The following EVI5 variants were observed in gnomAD, a reference collection of about 807,000 sequenced individuals.
EVI5 encodes the protein ecotropic viral integration site 5.
In EVI5, 73 loss-of-function variants were observed where a neutral mutation model predicts 112.0. That is an observed-to-expected ratio of 0.65 (90% CI 0.54 to 0.79). EVI5 has a LOEUF of 0.79. EVI5 is among the 30% of genes least tolerant of loss of function. EVI5 has a pLI of 0.00. For missense variants in EVI5, 900 were observed against 968.8 expected, an observed-to-expected ratio of 0.93 and a Z score of 0.94; for synonymous variants, 305 against 319.9, an observed-to-expected ratio of 0.95 and a Z score of 0.50.
chr1:92,673,030 A>G (rs1412597385), intron 10 of EVI5, among the ~76,000 whole-genome samples: 1 of 152,222 alleles, frequency 6.6e-6, no homozygotes, highest in Non-Finnish European at 1.5e-5. Context: ...AGGTAAGGAT[A>G]AGAACCCTTT....
rs534605295 is a variant in EVI5 at position 92,550,562 on chromosome 1, A to G, written c.2166+13080T>C. ...GGAGATCGAGACCATCCTGGCTAACACAGTGAAACCCCGTCTCTACTAAAA... is the reference window on the plus strand; with the variant it reads ...GGAGATCGAGACCATCCTGGCTAACGCAGTGAAACCCCGTCTCTACTAAAA... On this transcript the variant is annotated intron_variant, in intron 19 of 19. Coordinates refer to ENST00000684568, the MANE Select transcript of EVI5 (RefSeq NM_001350197.2). 2.5e-4 allele frequency among the ~76,000 whole-genome samples: 38 copies of G among 149,424 alleles called. No individual in the cohort carries two copies. In the South Asian group the frequency reaches 5.3e-3, roughly 21 times the overall value.
intron 9 of EVI5, among the ~76,000 whole-genome samples, chr1:92,680,046 T>C (rs982461699): frequency 2.6e-5 from 4 of 152,236 alleles, no homozygotes; most frequent in Admixed American, 2.6e-4. Flanking sequence ...TCTAAATTAC[T>C]GGAAAATACT....
chr1:92,598,103 G>A (rs1046930457), intron 18 of EVI5, among the ~76,000 whole-genome samples: 2 of 152,046 alleles, frequency 1.3e-5, no homozygotes, highest in Non-Finnish European at 2.9e-5. Flanking sequence ...GTGTAGTGGC[G>A]TGATCTTGAG....
chr1:92,560,679 G>A (rs1005068671), intron 19 of EVI5, among the ~76,000 whole-genome samples: 3 of 151,714 alleles, frequency 2.0e-5, no homozygotes, highest in Non-Finnish European at 4.4e-5. Context: ...CTCCTGCCTC[G>A]GCCACTGGAG....
rs923566173 is a variant in EVI5 at position 92,742,086 on chromosome 1, T to TA, written c.-81-5460dup. ...GTATGGGTTTAATATCTAGAATATA[T>TA]AAAGAACTCCTACAAATTAATAACA... On this transcript the variant is annotated intron_variant, in intron 1 of 19. Transcript: ENST00000684568. Among the ~76,000 whole-genome samples, 170 of 151,666 alleles carry TA rather than the reference T, an allele frequency of 1.1e-3. 1 individual carries two copies. Among genetic ancestry groups the TA allele is most frequent in the African/African-American group, 4.0e-3 (166 of 41,304 alleles).
intron 9 of EVI5, among the ~76,000 whole-genome samples, chr1:92,684,355 G>C (rs1668136209): frequency 6.6e-6 from 1 of 152,198 alleles, no homozygotes; most frequent in African/African-American, 2.4e-5. Context: ...GAAATGCTGA[G>C]AGATTTTGTC....
At chr1:92,759,907 C>T (rs1295203380) in intron 1 of EVI5, among the ~76,000 whole-genome samples, 2 of 142,462 alleles carry the variant, frequency 1.4e-5, no homozygotes, top group African/African-American at 5.1e-5. Context: ...TGCTGAGGAA[C>T]ATTTGGGTTA....
intron 3 of EVI5, among the ~76,000 whole-genome samples, 191 bp downstream of exon 3, chr1:92,704,364 A>G (rs1671658675): frequency 6.6e-6 from 1 of 152,326 alleles, no homozygotes; most frequent in South Asian, 2.1e-4. Context: ...CTATATGATC[A>G]GGACCTCTGT....
At chr1:92,622,687 T>C (rs1408133752) in intron 16 of EVI5, among the ~76,000 whole-genome samples, 3 of 152,238 alleles carry the variant, frequency 2.0e-5, no homozygotes, top group Non-Finnish European at 2.9e-5. Context: ...TGTAAAAATT[T>C]CATGGATTAC....
intron 14 of EVI5, among the ~76,000 whole-genome samples, chr1:92,634,471 C>A (rs936559489): frequency 6.6e-6 from 1 of 152,132 alleles, no homozygotes; most frequent in African/African-American, 2.4e-5. Context: ...TTGATCGAAT[C>A]GGCTACTGAG....
chr1:92,636,794 TAAA>T (rs1219296557), intron 13 of EVI5, among the ~76,000 whole-genome samples: 3 of 152,146 alleles, frequency 2.0e-5, no homozygotes, highest in Non-Finnish European at 4.4e-5. Context: ...TAATATGAAA[TAAA>T]AAAATCTCAA....
intron 14 of EVI5, among the ~76,000 whole-genome samples, chr1:92,634,835 G>A (rs1460647142): frequency 6.6e-6 from 1 of 152,162 alleles, no homozygotes; most frequent in African/African-American, 2.4e-5. Context: ...CTTCAATGGT[G>A]GTGACGTACA....
rs1022449418 is a variant in EVI5 at position 92,775,258 on chromosome 1, T to C, written c.-82+9578A>G. On this transcript the variant is annotated intron_variant, in intron 1 of 19. Coordinates refer to ENST00000684568, the MANE Select transcript of EVI5 (RefSeq NM_001350197.2). ...ACCTGGCCAACGTGGTGAAACTCCATCTCTAATAAAAATGTAGAAATTAGC... is the reference window on the plus strand; with the variant it reads ...ACCTGGCCAACGTGGTGAAACTCCACCTCTAATAAAAATGTAGAAATTAGC... 2.0e-5 allele frequency among the ~76,000 whole-genome samples: 3 copies of C among 152,066 alleles called. No individual in the cohort carries two copies. The East Asian group carries it at 5.8e-4, about 29-fold the overall frequency.
At chr1:92,625,703 A>G (rs1655517706) in intron 15 of EVI5, 91 bp downstream of exon 15, 2 of 1,108,568 alleles carry the variant, frequency 1.8e-6, no homozygotes. Flanking sequence ...AAACTCATCT[A>G]CTATAGGTCA....
chr1:92,585,703 A>T (rs558377747), intron 18 of EVI5, among the ~76,000 whole-genome samples: 1 of 152,312 alleles, frequency 6.6e-6, no homozygotes, highest in Admixed American at 6.5e-5. Context: ...AATTGAGAAG[A>T]TAGAGAGTTC....
At chr1:92,554,528 A>G (rs1667410338) in intron 19 of EVI5, among the ~76,000 whole-genome samples, 1 of 152,224 alleles carries the variant, frequency 6.6e-6, no homozygotes, top group Non-Finnish European at 1.5e-5. Flanking sequence ...AGCTTTAAGT[A>G]TTTTACATAG....
In EVI5 at chr1:92,715,739, A is replaced by C. The variant is rs139020316; in HGVS notation, c.150-10995T>G. Reference sequence around the variant, plus strand: ...AGCAGTGACAGACTGTACCTGGAAAAACGGGACACTCCTGCTCAAATATTG... The same window carrying C: ...AGCAGTGACAGACTGTACCTGGAAACACGGGACACTCCTGCTCAAATATTG... On this transcript the variant is annotated intron_variant, in intron 2 of 19. Transcript: ENST00000684568. Among the ~76,000 whole-genome samples, 771 of 152,216 alleles carry C rather than the reference A, an allele frequency of 5.1e-3. 6 individuals are homozygous for C. The highest frequency in any genetic ancestry group is 0.017 in the African/African-American group (716 of 41,526).
At position 92,724,307 on chromosome 1, in the gene EVI5, G is replaced by A. The variant is rs183546948; in HGVS notation, c.149+12091C>T. Among the ~76,000 whole-genome samples the A allele has an allele frequency of 1.2e-4, 18 of 152,082 alleles. 1 individual carries two copies. Among genetic ancestry groups the A allele is most frequent in the African/African-American group, 2.2e-4 (9 of 41,482 alleles). ...ACTCTTTCTCTTTATTTCTCAGACC[G>A]GCCGACACTTAGGGAAAATAGAAAA... On this transcript the variant is annotated intron_variant, in intron 2 of 19. Coordinates refer to ENST00000684568, the MANE Select transcript of EVI5 (RefSeq NM_001350197.2).
intron 18 of EVI5, among the ~76,000 whole-genome samples, chr1:92,590,187 A>T (rs2101245873): frequency 6.6e-6 from 1 of 152,320 alleles, no homozygotes; most frequent in South Asian, 2.1e-4. Context: ...GAAAAACTGA[A>T]AATTCTAAAA....
Sources: allele counts gnomAD v4.1 joint callset (sites outside exome capture counted in the v4.1 genomes callset), GRCh38; gene constraint gnomAD v4.1.1; transcripts MANE v1.5; gene names NCBI Gene and HGNC (gene_info 2026-07-23, HGNC 2026-07-21).